Variants in PLXND1 observed in about 807,000 individuals in gnomAD.
PLXND1 encodes plexin-D1.
PLXND1 carries 54 observed loss-of-function variants against 197.7 expected under a neutral mutation model. The observed-to-expected ratio is 0.27, with a 90% CI of 0.22 to 0.34. The LOEUF is 0.34. Ranked by LOEUF, PLXND1 falls within the 10% of genes least tolerant of loss-of-function variation. The pLI is 1.00. For synonymous variants in PLXND1, 1,180 were observed against 1,161.2 expected (o/e 1.02, Z -0.33); for missense variants, 2,127 against 2,699.2 (o/e 0.79, Z 4.70).
chr3:129,579,860 A>G (rs2108784460), intron 8 of PLXND1, among the ~76,000 whole-genome samples: 1 of 152,344 alleles, frequency 6.6e-6, no homozygotes, highest in East Asian at 1.9e-4. Context: ...AGAGCAGGAC[A>G]GGGACTGATT....
chr3:129,592,850 C>G (rs1019981595), intron 1 of PLXND1, among the ~76,000 whole-genome samples: 2 of 152,150 alleles, frequency 1.3e-5, no homozygotes, highest in East Asian at 1.9e-4. Flanking sequence ...GGAAGCCCAG[C>G]GTGGCGGGAA....
At chr3:129,592,786 G>A (rs1207382158) in intron 1 of PLXND1, among the ~76,000 whole-genome samples, 1 of 152,218 alleles carries the variant, frequency 6.6e-6, no homozygotes, top group African/African-American at 2.4e-5. Flanking sequence ...TTCCGAGGGG[G>A]AAGCTGATTC....
At chr3:129,580,527 G>C (rs2085372452) in intron 8 of PLXND1, among the ~76,000 whole-genome samples, 1 of 152,136 alleles carries the variant, frequency 6.6e-6, no homozygotes, top group Non-Finnish European at 1.5e-5. Flanking sequence ...AGCCCACCCG[G>C]TGGGTAGGTG....
intron 5 of PLXND1, among the ~76,000 whole-genome samples, chr3:129,585,302 T>A (rs2085442997): frequency 6.6e-6 from 1 of 152,112 alleles, no homozygotes; most frequent in South Asian, 2.1e-4. Context: ...AAGAGGACCC[T>A]CATCCTCAGA....
intron 18 of PLXND1, 36 bp from the exon 19 acceptor site, chr3:129,570,971 G>C (rs1256645347): frequency 1.2e-6 from 2 of 1,613,942 alleles, no homozygotes; most frequent in Admixed American, 1.7e-5. Context: ...TCATGGGGAA[G>C]TGCTCCCGAG....
Position 129,575,487 on chromosome 3 carries a change from T to A in PLXND1, c.2512A>T (p.Ser838Cys). The A allele has an allele frequency of 1.3e-6, 2 of 1,553,362 alleles. No homozygotes were observed. The highest frequency in any genetic ancestry group is 8.7e-7 in the Non-Finnish European group (1 of 1,147,684). ...LKGRPARFLD[S>C]PEPMTVMVYN... is the part of the protein sequence containing the mutation. ...TGCCCACCTGTCATGGGCTCAGGGC[T>A]GTCCAGGAATCGGGCTGGCCGCCCC... Residue 838 changes from serine (S) to cysteine (C), a missense_variant, in exon 11 of 36, where the codon AGC becomes TGC. By Grantham distance (112) the Ser-to-Cys change is moderately radical. Transcript: ENST00000324093.
chr3:129,555,439 T>C lies in PLXND1; in HGVS notation c.*873A>G, dbSNP rs932352358. Reference sequence around the variant, plus strand: ...GTCTGCCCGCTCTCTGGAACAGTCATTTCCAGTGTTGCATGGGGAGCCTCT... The same window carrying C: ...GTCTGCCCGCTCTCTGGAACAGTCACTTCCAGTGTTGCATGGGGAGCCTCT... On this transcript the variant is annotated 3_prime_UTR_variant, in exon 36 of 36. Coordinates refer to ENST00000324093, the MANE Select transcript of PLXND1 (RefSeq NM_015103.3). 14 of 669,000 alleles carry C rather than the reference T, an allele frequency of 2.1e-5. No individual in the cohort carries two copies. The Middle Eastern group carries it at 1.4e-3, about 68-fold the overall frequency. 41.4% of individuals were successfully genotyped at this position (669,000 alleles called of 1,614,324 possible). A position where few individuals can be genotyped will look rare whatever the true frequency, so the allele number is the denominator to read the frequency against.
Position 129,582,315 on chromosome 3 carries a change from A to G in PLXND1, c.2241+1252T>C, listed in dbSNP as rs557982350. 1.9e-3 allele frequency among the ~76,000 whole-genome samples: 295 copies of G among 152,364 alleles called. 3 individuals are homozygous for G. Among genetic ancestry groups the G allele is most frequent in the African/African-American group, 6.7e-3 (277 of 41,594 alleles). On this transcript the variant is annotated intron_variant, in intron 8 of 35. Coordinates refer to ENST00000324093, the MANE Select transcript of PLXND1 (RefSeq NM_015103.3). ...TGAGAAGATTCTCTGAGCTCAGTGC[A>G]AAAAGGCTGGGGCTGCAGAGGCTCT...
At chr3:129,595,679 C>T (rs2085609790) in intron 1 of PLXND1, among the ~76,000 whole-genome samples, 1 of 152,168 alleles carries the variant, frequency 6.6e-6, no homozygotes, top group African/African-American at 2.4e-5. Flanking sequence ...GCGGGTCACC[C>T]AGCTCCAGGG....
intron 10 of PLXND1, 94 bp downstream of exon 10, chr3:129,575,672 C>T: frequency 8.1e-7 from 1 of 1,228,910 alleles, no homozygotes; most frequent in Non-Finnish European, 1.2e-6. Context: ...ATGGGGGAAC[C>T]AGAAGGTAGA....
At chr3:129,605,241 C>G (rs935412379) in intron 1 of PLXND1, 88 bp downstream of exon 1, 1 of 557,504 alleles carries the variant, frequency 1.8e-6, no homozygotes, top group Non-Finnish European at 2.6e-6. Flanking sequence ...GTGACCCACT[C>G]AGCTCACGAC....
Position 129,603,688 on chromosome 3 carries a change from C to T in PLXND1, c.1311+1641G>A, listed in dbSNP as rs150160697. ...CAGATGGTGGGCAGTCGTGGGAGAC[C>T]GACCTCGACCTTGGGAGAAGGAATC... is the stretch of plus-strand genomic sequence containing the variant. On this transcript the variant is annotated intron_variant, in intron 1 of 35. Coordinates refer to ENST00000324093, the MANE Select transcript of PLXND1 (RefSeq NM_015103.3). Among the ~76,000 whole-genome samples, 77 of 152,278 alleles carry T rather than the reference C, an allele frequency of 5.1e-4. 1 individual carries two copies. The highest frequency in any genetic ancestry group is 1.6e-3 in the African/African-American group (66 of 41,550).
intron 13 of PLXND1, 105 bp from the exon 14 acceptor site, chr3:129,573,046 C>T: frequency 1.4e-6 from 1 of 737,338 alleles, no homozygotes. Flanking sequence ...ACTTCCAATG[C>T]CTTCTATGTA....
At chr3:129,567,671 C>G (rs1216582000) in intron 21 of PLXND1, 27 bp downstream of exon 21, 10 of 1,580,150 alleles carry the variant, frequency 6.3e-6, no homozygotes, top group Non-Finnish European at 8.7e-6. Flanking sequence ...AGTTGAGGCC[C>G]AGCCCTGCAG....
At chr3:129,598,567 C>T (rs1266114725) in intron 1 of PLXND1, among the ~76,000 whole-genome samples, 1 of 152,174 alleles carries the variant, frequency 6.6e-6, no homozygotes, top group African/African-American at 2.4e-5. Flanking sequence ...CATCCTAACC[C>T]CAGCCCGCGA....
Position 129,563,095 on chromosome 3 carries a change from C to T in PLXND1, c.4667G>A (p.Arg1556Gln), listed in dbSNP as rs373701738. ...LLRENIEAKP[R>Q]NLNVSFQGCG... ...ACCCTCCCCGCCCTGCCGACTTACC[C>T]GGGGCTTGGCCTCGATGTTCTCCCG... Residue 1556 changes from arginine (R) to glutamine (Q), a missense_variant and splice_region_variant, in exon 26 of 36, where the codon CGG (arginine) becomes CAG (glutamine). Arg to Gln is a conservative substitution (Grantham distance 43). Coordinates refer to ENST00000324093, the MANE Select transcript of PLXND1 (RefSeq NM_015103.3). The T allele has an allele frequency of 2.1e-5, 34 of 1,613,424 alleles. No individual in the cohort carries two copies. Among genetic ancestry groups the T allele is most frequent in the Middle Eastern group, 1.7e-4 (1 of 5,964 alleles).
Position 129,589,390 on chromosome 3 carries a change from T to C in PLXND1, c.1449A>G (p.Thr483=). The change falls in exon 2 of 36, where the codon ACA becomes ACG. Residue 483 remains threonine (T), a synonymous_variant. Transcript: ENST00000324093. ...CGTTGACCGTGCCCAGGAAGACCGC[T>C]GTGTAGTTGTTGACGCTGGCCACGG... ...SVAVASVNNY[T]AVFLGTVNGR... The C allele has an allele frequency of 1.4e-6, 2 of 1,469,986 alleles. No homozygotes were observed. Among genetic ancestry groups the C allele is most frequent in the Non-Finnish European group, 1.8e-6 (2 of 1,094,602 alleles). 91.1% of individuals were successfully genotyped at this position (1,469,986 alleles called of 1,614,324 possible). A position where few individuals can be genotyped will look rare whatever the true frequency, so the allele number is the denominator to read the frequency against.
chr3:129,556,325 T>C lies in PLXND1; in HGVS notation c.5765A>G (p.Tyr1922Cys), dbSNP rs1386115714. The change falls in exon 36 of 36, where the codon TAC (tyrosine) becomes TGC (cysteine). Residue 1922 changes from tyrosine to cysteine, a missense_variant. Tyr to Cys is a radical substitution (Grantham distance 194). This residue lies in a region of PLXND1 where 200 missense variants were observed against 303.3 expected (regional missense o/e 0.66). Transcript: ENST00000324093. ...ALMEDNIYECYSEA is the reference protein window; with the variant it reads ...ALMEDNIYECCSEA ...TCTCCATGTGTCTCAGGCCTCACTG[T>C]AGCACTCGTAGATGTTGTCCTCCAT... 1.2e-6 allele frequency: 2 copies of C among 1,609,530 alleles called. No individual in the cohort carries two copies. Among genetic ancestry groups the C allele is most frequent in the African/African-American group, 1.3e-5 (1 of 74,850 alleles).
chr3:129,583,422 C>T, intron 8 of PLXND1, 145 bp downstream of exon 8: 1 of 607,132 alleles, frequency 1.6e-6, no homozygotes, highest in Non-Finnish European at 3.0e-6. Context: ...GTTAAACGCA[C>T]CGTGGTATGT....
Sources: gnomAD v4.1 joint callset for allele counts (sites outside exome capture counted in the v4.1 genomes callset) on GRCh38, gnomAD v4.1.1 for gene constraint, gnomAD v4.1.1 regional missense constraint, MANE v1.5 for transcripts, NCBI Gene and HGNC (gene_info 2026-07-23, HGNC 2026-07-21) for gene names.